The following HS3ST4 variants were observed in gnomAD, a reference collection of about 807,000 sequenced individuals.
The protein encoded by HS3ST4 is heparan sulfate glucosamine 3-O-sulfotransferase 4.
Under a neutral mutation model 29.2 loss-of-function variants are expected in HS3ST4, and 17 were observed. That is an observed-to-expected ratio of 0.58 (90% CI 0.40 to 0.87). HS3ST4 has a LOEUF of 0.87. Ranked by LOEUF, HS3ST4 falls within the 40% of genes least tolerant of loss-of-function variation. The pLI is 0.00. For synonymous variants in HS3ST4, 314 were observed against 285.7 expected, an observed-to-expected ratio of 1.10 and a Z score of -1.00; for missense variants, 627 against 634.5, an observed-to-expected ratio of 0.99 and a Z score of 0.13.
At chr16:25,934,040 A>G (rs910829112) in intron 1 of HS3ST4, among the ~76,000 whole-genome samples, 1 of 152,240 alleles carries the variant, frequency 6.6e-6, no homozygotes, top group Non-Finnish European at 1.5e-5. Flanking sequence ...AAAGGGTCAG[A>G]TGAGTCCTGA....
chr16:25,769,054 T>C (rs1389087432), intron 1 of HS3ST4, among the ~76,000 whole-genome samples: 1 of 152,166 alleles, frequency 6.6e-6, no homozygotes, highest in Non-Finnish European at 1.5e-5. Context: ...CAAAACTGTG[T>C]TGGGTCAGAA....
intron 1 of HS3ST4, among the ~76,000 whole-genome samples, chr16:25,839,028 A>G (rs917623552): frequency 6.6e-6 from 1 of 152,294 alleles, no homozygotes; most frequent in Non-Finnish European, 1.5e-5. Flanking sequence ...TTGTCAGATA[A>G]CCATCACTGC....
chr16:25,957,268 C>T (rs1968744984), intron 1 of HS3ST4, among the ~76,000 whole-genome samples: 1 of 152,188 alleles, frequency 6.6e-6, no homozygotes, highest in African/African-American at 2.4e-5. Context: ...CAGCTTGAAC[C>T]CCTTCCCCTG....
chr16:26,029,200 A>G (rs1969508521), intron 1 of HS3ST4, among the ~76,000 whole-genome samples: 2 of 152,172 alleles, frequency 1.3e-5, no homozygotes, highest in African/African-American at 4.8e-5. Flanking sequence ...CAGAATGGTC[A>G]CTAGAAAAAA....
intron 1 of HS3ST4, among the ~76,000 whole-genome samples, chr16:26,024,556 A>G (rs1969448305): frequency 6.6e-6 from 1 of 152,000 alleles, no homozygotes; most frequent in Admixed American, 6.6e-5. Flanking sequence ...ATATGGTGAA[A>G]CCCTGTCTCT....
chr16:25,916,523 C>T (rs893667199), intron 1 of HS3ST4, among the ~76,000 whole-genome samples: 12 of 151,846 alleles, frequency 7.9e-5, no homozygotes, highest in Admixed American at 6.6e-4. Flanking sequence ...CCAACACGCC[C>T]GGCTACTTTT....
chr16:26,126,227 T>G (rs62036812), intron 1 of HS3ST4, among the ~76,000 whole-genome samples: 1 of 152,282 alleles, frequency 6.6e-6, no homozygotes, highest in South Asian at 2.1e-4. Context: ...CTTCAAAAAC[T>G]TAATACTTAG....
chr16:25,840,258 C>A (rs909939458), intron 1 of HS3ST4, among the ~76,000 whole-genome samples: 1 of 152,148 alleles, frequency 6.6e-6, no homozygotes, highest in East Asian at 1.9e-4. Context: ...TTCTGGGAAG[C>A]CTTTTGTTGC....
At chr16:26,009,857 C>T (rs1029262781) in intron 1 of HS3ST4, among the ~76,000 whole-genome samples, 7 of 152,210 alleles carry the variant, frequency 4.6e-5, no homozygotes, top group Non-Finnish European at 8.8e-5. Context: ...TGACTTAAAG[C>T]TCATTCCACT....
intron 1 of HS3ST4, among the ~76,000 whole-genome samples, chr16:26,070,190 C>G (rs1898586266): frequency 6.6e-6 from 1 of 152,138 alleles, no homozygotes. Context: ...AAAAGTGTTC[C>G]TATTTCTCCA....
chr16:25,828,250 T>TCTG (rs1567249336), intron 1 of HS3ST4, among the ~76,000 whole-genome samples: 2 of 55,362 alleles, frequency 3.6e-5, no homozygotes, highest in African/African-American at 1.5e-4. Context: ...TTCTCTTTCT[T>TCTG]TCTTTCTTTC....
chr16:26,053,697 C>G (rs892004885), intron 1 of HS3ST4, among the ~76,000 whole-genome samples: 39 of 152,182 alleles, frequency 2.6e-4, no homozygotes, highest in African/African-American at 9.4e-4. Context: ...AAAACAGACT[C>G]TAACATGTAT....
chr16:25,708,240 C>T (rs562718870), intron 1 of HS3ST4, among the ~76,000 whole-genome samples: 41 of 152,332 alleles, frequency 2.7e-4, no homozygotes, highest in African/African-American at 9.1e-4. Flanking sequence ...AGATACAAAA[C>T]GAGTGGCTCC....
chr16:25,939,614 C>T (rs1411636576), intron 1 of HS3ST4, among the ~76,000 whole-genome samples: 1 of 152,142 alleles, frequency 6.6e-6, no homozygotes, highest in Non-Finnish European at 1.5e-5. Flanking sequence ...GTTGGGATTA[C>T]AGGCGTGAGC....
At chr16:26,083,795 G>GA (rs1437094515) in intron 1 of HS3ST4, among the ~76,000 whole-genome samples, 2 of 151,708 alleles carry the variant, frequency 1.3e-5, no homozygotes, top group African/African-American at 2.4e-5. Context: ...CCCTAAGTAA[G>GA]AAAAAAAACA....
intron 1 of HS3ST4, among the ~76,000 whole-genome samples, chr16:26,121,545 G>T (rs2141810681): frequency 6.6e-6 from 1 of 152,304 alleles, no homozygotes; most frequent in Non-Finnish European, 1.5e-5. Context: ...GAGCAAACAG[G>T]GCTTGGATCA....
chr16:26,066,383 AATG>A (rs1297309814), intron 1 of HS3ST4, among the ~76,000 whole-genome samples: 4 of 152,214 alleles, frequency 2.6e-5, no homozygotes, highest in Non-Finnish European at 5.9e-5. Context: ...GGAACATTTT[AATG>A]ATGTTATTGA....
intron 1 of HS3ST4, among the ~76,000 whole-genome samples, chr16:26,107,115 T>C (rs568224595): frequency 5.3e-5 from 8 of 152,182 alleles, no homozygotes; most frequent in African/African-American, 1.7e-4. Flanking sequence ...TTCCATCAAC[T>C]CTCATTACCT....
At chr16:25,722,409 A>G (rs947879659) in intron 1 of HS3ST4, among the ~76,000 whole-genome samples, 3 of 152,026 alleles carry the variant, frequency 2.0e-5, no homozygotes, top group African/African-American at 7.3e-5. Flanking sequence ...TGTAGGTCCA[A>G]TACACACACT....
Sources: allele counts gnomAD v4.1 joint callset (sites outside exome capture counted in the v4.1 genomes callset), GRCh38; gene constraint gnomAD v4.1.1; transcripts MANE v1.5; gene names NCBI Gene and HGNC (gene_info 2026-07-23, HGNC 2026-07-21).